Variants in LOC122539214 observed in about 807,000 individuals in gnomAD.
At chr19:52,662,937 T>C in the LOC122539214 span, among the ~76,000 whole-genome samples, 1 of 151,846 alleles carries the variant, frequency 6.6e-6, no homozygotes, top group African/African-American at 2.4e-5. Flanking sequence ...CTGACAGGGG[T>C]AGATCACATG....
chr19:52,658,791 T>TG, the LOC122539214 span, among the ~76,000 whole-genome samples: 1 of 152,176 alleles, frequency 6.6e-6, no homozygotes, highest in Non-Finnish European at 1.5e-5. Flanking sequence ...TTGAGCCAGA[T>TG]GGCCCTCTAG....
the LOC122539214 span, among the ~76,000 whole-genome samples, chr19:52,677,718 A>C: frequency 6.6e-6 from 1 of 151,766 alleles, no homozygotes; most frequent in East Asian, 1.9e-4. Flanking sequence ...TCCCTAGCTG[A>C]GTAGGTAGAG....
the LOC122539214 span, among the ~76,000 whole-genome samples, chr19:52,687,572 T>G: frequency 1.4e-3 from 49 of 36,154 alleles, 16 homozygotes; most frequent in African/African-American, 2.3e-3. Flanking sequence ...TATATATATA[T>G]AAATTTTATA....
chr19:52,653,367 C>A, the LOC122539214 span: 2 of 1,108,938 alleles, frequency 1.8e-6, no homozygotes, highest in South Asian at 2.5e-5. Flanking sequence ...ATGAATCACG[C>A]TGGAAAACCT....
chr19:52,658,740 C>T, the LOC122539214 span, among the ~76,000 whole-genome samples: 3 of 152,090 alleles, frequency 2.0e-5, no homozygotes, highest in Non-Finnish European at 2.9e-5. Flanking sequence ...ATAGAGGCTT[C>T]CCCAGTTAAG....
At chr19:52,651,697 AAAAAAAGAAAGAAAGAAAAG>A in the LOC122539214 span, 3 of 158,186 alleles carry the variant, frequency 1.9e-5, no homozygotes, top group Admixed American at 6.5e-5. Context: ...AAAAAAAAAA[AAAAAAAGAAAGAAAGAAAAG>A]AAAAGAAAGA....
chr19:52,663,759 T>G, the LOC122539214 span, among the ~76,000 whole-genome samples: 1 of 152,266 alleles, frequency 6.6e-6, no homozygotes, highest in African/African-American at 2.4e-5. Flanking sequence ...TTAAAATGGT[T>G]AAAAAATATA....
chr19:52,675,772 G>A, the LOC122539214 span, among the ~76,000 whole-genome samples: 1 of 152,162 alleles, frequency 6.6e-6, no homozygotes, highest in Non-Finnish European at 1.5e-5. Context: ...CATGTCTGTG[G>A]GAATATAATT....
the LOC122539214 span, among the ~76,000 whole-genome samples, chr19:52,677,329 A>AAAAAAAAAAT: frequency 9.3e-5 from 12 of 129,106 alleles, no homozygotes; most frequent in East Asian, 1.1e-3. Context: ...AAAAAAAAAA[A>AAAAAAAAAAT]ACAAAAATTA....
chr19:52,687,639 A>G, the LOC122539214 span, among the ~76,000 whole-genome samples: 185 of 42,150 alleles, frequency 4.4e-3, 36 homozygotes, highest in South Asian at 0.019. Context: ...TAATGTATAT[A>G]TATATATATA....
the LOC122539214 span, among the ~76,000 whole-genome samples, chr19:52,659,180 C>A: frequency 2.0e-5 from 3 of 151,964 alleles, no homozygotes; most frequent in Non-Finnish European, 4.4e-5. Flanking sequence ...ACAGACCCCC[C>A]ACAGTTCAAG....
the LOC122539214 span, among the ~76,000 whole-genome samples, chr19:52,684,938 C>T: frequency 2.0e-5 from 3 of 152,226 alleles, no homozygotes; most frequent in African/African-American, 4.8e-5. Flanking sequence ...CACGGGAAGC[C>T]GGTGGAGGGT....
the LOC122539214 span, among the ~76,000 whole-genome samples, chr19:52,668,565 C>T: frequency 6.6e-6 from 1 of 152,128 alleles, no homozygotes; most frequent in African/African-American, 2.4e-5. Flanking sequence ...TACAGCTGCC[C>T]CTTTCCCAAA....
chr19:52,666,278 G>A, the LOC122539214 span, among the ~76,000 whole-genome samples: 4 of 152,032 alleles, frequency 2.6e-5, no homozygotes, highest in South Asian at 8.3e-4. Context: ...AGAAAAGAGA[G>A]AGAGAGAGTA....
At chr19:52,676,442 A>AT in the LOC122539214 span, among the ~76,000 whole-genome samples, 331 of 148,216 alleles carry the variant, frequency 2.2e-3, no homozygotes, top group Non-Finnish European at 3.9e-3. Flanking sequence ...CTGGCCGCCC[A>AT]TGTCTGGGAT....
chr19:52,689,624 CT>C, the LOC122539214 span, among the ~76,000 whole-genome samples: 3 of 152,132 alleles, frequency 2.0e-5, no homozygotes, highest in Non-Finnish European at 4.4e-5. Context: ...TTTTCTCCTC[CT>C]GCTTTCTTAT....
chr19:52,654,839 T>C, the LOC122539214 span: 1 of 153,772 alleles, frequency 6.5e-6, no homozygotes. Context: ...GTTTATGTGA[T>C]GATCACTGTC....
the LOC122539214 span, among the ~76,000 whole-genome samples, chr19:52,682,075 C>T: frequency 1.3e-5 from 2 of 151,984 alleles, no homozygotes; most frequent in Non-Finnish European, 2.9e-5. Flanking sequence ...ATTGAATTCC[C>T]GACCTCATGA....
the LOC122539214 span, among the ~76,000 whole-genome samples, chr19:52,656,778 A>C: frequency 6.6e-6 from 1 of 151,708 alleles, no homozygotes; most frequent in African/African-American, 2.4e-5. Flanking sequence ...AGGCAGAAGA[A>C]TCACTTGAAC....
Sources: allele counts gnomAD v4.1 joint callset (sites outside exome capture counted in the v4.1 genomes callset), GRCh38; gene constraint gnomAD v4.1.1; transcripts MANE v1.5.